The following DNAH3 variants were observed in gnomAD, a reference collection of about 807,000 sequenced individuals.
The protein encoded by DNAH3 is axonemal beta dynein heavy chain 3.
Under a neutral mutation model 432.5 loss-of-function variants are expected in DNAH3, and 332 were observed. The observed-to-expected ratio is 0.77, with a 90% confidence interval of 0.70 to 0.84. The LOEUF is 0.84. Ranked by LOEUF, DNAH3 falls within the 40% of genes least tolerant of loss-of-function variation. DNAH3 has a pLI of 0.00. For missense variants in DNAH3, 4,861 were observed against 5,114.0 expected (o/e 0.95, Z 1.51); for synonymous variants, 1,956 against 1,900.2 (o/e 1.03, Z -0.76).
At chr16:21,096,063 A>G (rs950704565) in intron 18 of DNAH3, among the ~76,000 whole-genome samples, 14 of 151,838 alleles carry the variant, frequency 9.2e-5, no homozygotes, top group Admixed American at 9.2e-4. Context: ...AGCCACCATG[A>G]CTGGCTTTCT....
In DNAH3 at chr16:21,153,824, A is replaced by C. The variant is rs193100046; in HGVS notation, c.117+5501T>G. Among the ~76,000 whole-genome samples, 637 of 152,340 alleles carry C rather than the reference A, an allele frequency of 4.2e-3. 4 individuals are homozygous for C. Among genetic ancestry groups the C allele is most frequent in the African/African-American group, 0.015 (607 of 41,576 alleles). ...GTGAGACCAAGAACCTACGAATTCC[A>C]GACACAATAGAACCAAGTACTTCCA... On this transcript the variant is annotated intron_variant, in intron 1 of 61. Transcript: ENST00000261383.
At chr16:21,046,420 C>T (rs1256369478) in intron 31 of DNAH3, among the ~76,000 whole-genome samples, 2 of 150,782 alleles carry the variant, frequency 1.3e-5, no homozygotes, top group Non-Finnish European at 3.0e-5. Flanking sequence ...ATCCCTTTAC[C>T]ATTATGTAAT....
At chr16:21,042,104 G>C (rs1216975609) in exon 32 of DNAH3, 1 of 1,614,022 alleles carries the variant, frequency 6.2e-7, no homozygotes, top group African/African-American at 1.3e-5. Context: ...GTTGGGTTCA[G>C]AGAGAGCTCA....
intron 52 of DNAH3, among the ~76,000 whole-genome samples, chr16:20,965,874 G>A (rs1339831477): frequency 6.6e-6 from 1 of 151,556 alleles, no homozygotes; most frequent in East Asian, 1.9e-4. Context: ...CACCATGCCT[G>A]GCTAATTTTT....
chr16:21,158,997 C>T (rs2092927468), intron 1 of DNAH3, among the ~76,000 whole-genome samples: 1 of 151,990 alleles, frequency 6.6e-6, no homozygotes, highest in Non-Finnish European at 1.5e-5. Context: ...CCCCGCCACC[C>T]CCCAACACAC....
intron 52 of DNAH3, among the ~76,000 whole-genome samples, chr16:20,969,382 G>T (rs1277516251): frequency 1.3e-5 from 2 of 151,776 alleles, no homozygotes; most frequent in African/African-American, 4.8e-5. Flanking sequence ...TCCTTTCTTT[G>T]TCTCTGTCTC....
intron 19 of DNAH3, among the ~76,000 whole-genome samples, chr16:21,083,099 C>T (rs1339703798): frequency 6.6e-6 from 1 of 151,620 alleles, no homozygotes; most frequent in Non-Finnish European, 1.5e-5. Flanking sequence ...TCACTGCAAC[C>T]TCTGTCTCCT....
intron 14 of DNAH3, 131 bp from the exon 15 acceptor site, chr16:21,106,805 A>C (rs528891284): frequency 9.8e-4 from 728 of 742,536 alleles, no homozygotes; most frequent in Non-Finnish European, 1.3e-3. Flanking sequence ...ATTTTTTTTT[A>C]ATTTTTTCCC....
Position 21,039,213 on chromosome 16 carries a change from G to GT in DNAH3, c.4730+638_4730+639insA, listed in dbSNP as rs1567681489. On this transcript the variant is annotated intron_variant, in intron 33 of 61. Coordinates refer to ENST00000261383, the Ensembl canonical transcript of DNAH3. ...ATAATTGCATATGTTTTATAGTGTT[G>GT]CTTTTTTTTTTTTTTTTTTTTTTGA... Among the ~76,000 whole-genome samples the GT allele has an allele frequency of 7.3e-3, 756 of 103,616 alleles. 18 individuals carry two copies. Among genetic ancestry groups the GT allele is most frequent in the Non-Finnish European group, 8.7e-3 (442 of 50,996 alleles). 68.0% of individuals were successfully genotyped at this position (103,616 alleles called of 152,430 possible). A position where few individuals can be genotyped will look rare whatever the true frequency, so the allele number is the denominator to read the frequency against.
At chr16:21,059,209 A>G (rs947943159) in intron 26 of DNAH3, among the ~76,000 whole-genome samples, 2 of 152,226 alleles carry the variant, frequency 1.3e-5, no homozygotes, top group Admixed American at 6.5e-5. Flanking sequence ...TGGCCTGCAG[A>G]GTTGAAAATA....
chr16:20,948,703 G>A, intron 56 of DNAH3, 66 bp from the exon 57 acceptor site: 1 of 1,544,874 alleles, frequency 6.5e-7, no homozygotes, highest in South Asian at 1.2e-5. Flanking sequence ...GGTGGTTGAT[G>A]TAAAACACGG....
chr16:20,964,221 C>T lies in DNAH3; in HGVS notation c.9663G>A (p.Lys3221=), dbSNP rs1421306886. Residue 3221 remains lysine, a synonymous_variant, in exon 53 of 62, where the codon AAG becomes AAA. Transcript: ENST00000261383. ...TGGCACTTTCCACAATCAACTGGTTCTTTTTCTCTTCCAGCTCTGGCTTCT... is the reference window on the plus strand; with the variant it reads ...TGGCACTTTCCACAATCAACTGGTTTTTTTTCTCTTCCAGCTCTGGCTTCT... 3.7e-6 allele frequency: 6 copies of T among 1,614,030 alleles called. No individual in the cohort carries two copies. In the Admixed American group the frequency reaches 6.7e-5, roughly 18 times the overall value.
intron 20 of DNAH3, among the ~76,000 whole-genome samples, chr16:21,080,973 A>G (rs2091164108): frequency 6.6e-6 from 1 of 152,020 alleles, no homozygotes; most frequent in South Asian, 2.1e-4. Context: ...GCTGTAGTGC[A>G]ATGGCGCTAT....
chr16:20,969,236 C>G (rs113316859), intron 52 of DNAH3, among the ~76,000 whole-genome samples: 59 of 151,548 alleles, frequency 3.9e-4, no homozygotes, highest in East Asian at 1.7e-3. Context: ...GTGCATGGCT[C>G]TGTGTGTGCA....
exon 50 of DNAH3, chr16:20,979,439 T>G: frequency 1.9e-6 from 3 of 1,614,112 alleles, no homozygotes; most frequent in Non-Finnish European, 2.5e-6. Context: ...TAGAATCAAT[T>G]CAAGGTAGGA....
intron 7 of DNAH3, 42 bp downstream of exon 8, chr16:21,134,217 G>T: frequency 6.3e-7 from 1 of 1,576,056 alleles, no homozygotes; most frequent in South Asian, 1.2e-5. Flanking sequence ...ACGTGGATGT[G>T]GTCAAGAAAG....
At position 21,019,847 on chromosome 16, in the gene DNAH3, C is replaced by G. The variant is rs2088066738; in HGVS notation, c.5799G>C (p.Glu1933Asp). The G allele has an allele frequency of 6.2e-7, 1 of 1,614,100 alleles. No individual in the cohort carries two copies. The highest frequency in any genetic ancestry group is 8.5e-7 in the Non-Finnish European group (1 of 1,180,020). Reference sequence around the variant, plus strand: ...GGCCTTCACCTAATTCCATTTCCTCCTCTTCTACTGCCCTGATTTCATCTA... The same window carrying G: ...GGCCTTCACCTAATTCCATTTCCTCGTCTTCTACTGCCCTGATTTCATCTA... The change falls in exon 41 of 62, where the codon GAG becomes GAC. Residue 1933 changes from glutamate (E) to aspartate (D), a missense_variant. Coordinates refer to ENST00000261383, the Ensembl canonical transcript of DNAH3.
At chr16:21,003,723 C>T (rs1431598874) in intron 41 of DNAH3, among the ~76,000 whole-genome samples, 3 of 151,926 alleles carry the variant, frequency 2.0e-5, no homozygotes. Flanking sequence ...TGCAGTGAGC[C>T]GAGATTGTGT....
intron 47 of DNAH3, 89 bp downstream of exon 47, chr16:20,987,216 C>T: frequency 1.3e-6 from 2 of 1,526,626 alleles, no homozygotes; most frequent in South Asian, 1.2e-5. Context: ...TGGCAGTCTC[C>T]AACAGGAAGG....
Sources: gnomAD v4.1 joint callset for allele counts (sites outside exome capture counted in the v4.1 genomes callset) on GRCh38, gnomAD v4.1.1 for gene constraint, MANE v1.5 for transcripts, NCBI Gene and HGNC (gene_info 2026-07-23, HGNC 2026-07-21) for gene names.